The following RSPO3 variants were observed in gnomAD, a reference collection of about 807,000 sequenced individuals.
RSPO3 encodes R-spondin 3.
A neutral mutation model predicts 36.5 loss-of-function variants in RSPO3; 17 were observed. That is an observed-to-expected ratio of 0.47 (90% CI 0.32 to 0.70). RSPO3 has a LOEUF of 0.70. RSPO3 is among the 30% of genes least tolerant of loss of function. The pLI is 0.04. For missense variants in RSPO3, 294 were observed against 322.5 expected, an observed-to-expected ratio of 0.91 and a Z score of 0.68; for synonymous variants, 108 against 107.0, an observed-to-expected ratio of 1.01 and a Z score of -0.06.
rs919308246 is a variant in RSPO3 at position 127,198,983 on chromosome 6, G to T, written c.*2976G>T. Among the ~76,000 whole-genome samples the T allele has an allele frequency of 1.3e-5, 2 of 150,844 alleles. No homozygotes were observed. The highest frequency in any genetic ancestry group is 2.1e-4 in the South Asian group (1 of 4,832). On this transcript the variant is annotated 3_prime_UTR_variant, in exon 5 of 5. Coordinates refer to ENST00000356698, the MANE Select transcript of RSPO3 (RefSeq NM_032784.5). ...GAATTAAAAGCTGTTCACATTAGTG[G>T]TTATTAAATATTGAAATAACACTGG...
chr6:127,156,782 T>C (rs2114594998), intron 4 of RSPO3, among the ~76,000 whole-genome samples: 1 of 152,224 alleles, frequency 6.6e-6, no homozygotes, highest in African/African-American at 2.4e-5. Context: ...CATCGTAGAA[T>C]AAGGGAGATT....
intron 1 of RSPO3, among the ~76,000 whole-genome samples, chr6:127,120,588 T>C (rs1483949460): frequency 2.6e-5 from 4 of 152,150 alleles, no homozygotes; most frequent in Admixed American, 6.5e-5. Flanking sequence ...TTGTGTGAGA[T>C]GGAAATTTAG....
intron 1 of RSPO3, among the ~76,000 whole-genome samples, chr6:127,128,878 G>A (rs912538451): frequency 1.3e-5 from 2 of 152,180 alleles, no homozygotes; most frequent in East Asian, 3.9e-4. Flanking sequence ...ACAAACCATG[G>A]GGGAGTGTCT....
At chr6:127,172,592 A>T (rs1774961626) in intron 4 of RSPO3, among the ~76,000 whole-genome samples, 1 of 151,760 alleles carries the variant, frequency 6.6e-6, no homozygotes. Context: ...AAAGACAGAA[A>T]CATGTATTCG....
At chr6:127,184,195 A>T (rs1775244635) in intron 4 of RSPO3, among the ~76,000 whole-genome samples, 1 of 152,016 alleles carries the variant, frequency 6.6e-6, no homozygotes, top group South Asian at 2.1e-4. Flanking sequence ...ACCCTACTCC[A>T]AAATAATCAG....
chr6:127,153,436 C>T (rs1001559695), intron 3 of RSPO3, among the ~76,000 whole-genome samples: 1 of 151,768 alleles, frequency 6.6e-6, no homozygotes, highest in Non-Finnish European at 1.5e-5. Flanking sequence ...CACCTCATTT[C>T]ATGGTGTTTT....
Position 127,187,069 on chromosome 6 carries a change from A to G in RSPO3, c.635-8754A>G, listed in dbSNP as rs549509540. ...ACTCACGCATATTCTCCAGCTTGAG[A>G]TGGAAGATGGTGGTTGAAGCAGCAG... On this transcript the variant is annotated intron_variant, in intron 4 of 4. Transcript: ENST00000356698. Among the ~76,000 whole-genome samples the G allele has an allele frequency of 2.0e-5, 3 of 152,282 alleles. No individual in the cohort carries two copies. In the South Asian group the frequency reaches 6.2e-4, roughly 32 times the overall value.
intron 1 of RSPO3, among the ~76,000 whole-genome samples, chr6:127,147,859 C>T (rs1489876493): frequency 6.6e-6 from 1 of 152,068 alleles, no homozygotes; most frequent in Non-Finnish European, 1.5e-5. Flanking sequence ...TGTAAGACTC[C>T]AGTTCCAAAA....
At chr6:127,170,304 A>G (rs576038070) in intron 4 of RSPO3, among the ~76,000 whole-genome samples, 10 of 151,850 alleles carry the variant, frequency 6.6e-5, no homozygotes, top group South Asian at 4.2e-4. Flanking sequence ...CAATTTATAC[A>G]ATGGATAAAA....
Position 127,199,051 on chromosome 6 carries a change from TATTC to T in RSPO3, c.*3049_*3052del, listed in dbSNP as rs1247946367. On this transcript the variant is annotated 3_prime_UTR_variant, in exon 5 of 5. Transcript: ENST00000356698. ...AAATACAGCTAAAAACAAGAATAGA[TATTC>T]ATTCTCACAAAGGGAGACAGCAAAG... is the stretch of plus-strand genomic sequence containing the variant. Among the ~76,000 whole-genome samples the T allele has an allele frequency of 6.6e-6, 1 of 152,178 alleles. No individual in the cohort carries two copies. The highest frequency in any genetic ancestry group is 2.4e-5 in the African/African-American group (1 of 41,442).
chr6:127,146,019 G>A (rs1000973611), intron 1 of RSPO3, among the ~76,000 whole-genome samples: 4 of 151,834 alleles, frequency 2.6e-5, no homozygotes, highest in East Asian at 1.9e-4. Context: ...ATCCTTATAC[G>A]GCATTCAAGA....
At chr6:127,170,043 GA>G (rs1774904921) in intron 4 of RSPO3, among the ~76,000 whole-genome samples, 1 of 151,656 alleles carries the variant, frequency 6.6e-6, no homozygotes, top group East Asian at 1.9e-4. Context: ...ATTAGACTAA[GA>G]GAGTTATCCT....
intron 4 of RSPO3, among the ~76,000 whole-genome samples, chr6:127,179,762 A>G (rs1775143699): frequency 6.6e-6 from 1 of 151,830 alleles, no homozygotes; most frequent in Non-Finnish European, 1.5e-5. Context: ...GGTAGAATCC[A>G]CTTACTTGTC....
At chr6:127,181,790 A>C (rs2114633177) in intron 4 of RSPO3, among the ~76,000 whole-genome samples, 1 of 151,962 alleles carries the variant, frequency 6.6e-6, no homozygotes, top group East Asian at 1.9e-4. Context: ...CTTTCTCCTA[A>C]ATATTCTCTG....
At chr6:127,159,643 CCTT>C (rs1195586465) in intron 4 of RSPO3, among the ~76,000 whole-genome samples, 3 of 143,006 alleles carry the variant, frequency 2.1e-5, no homozygotes, top group Admixed American at 7.0e-5. Flanking sequence ...CATACATTCT[CCTT>C]TTTTTTTTTT....
chr6:127,193,150 T>C (rs543280690), intron 4 of RSPO3, among the ~76,000 whole-genome samples: 2 of 152,332 alleles, frequency 1.3e-5, no homozygotes, highest in South Asian at 4.1e-4. Flanking sequence ...CCTGTTACTT[T>C]ACTAGAGCCT....
At chr6:127,167,789 T>G (rs1243681262) in intron 4 of RSPO3, among the ~76,000 whole-genome samples, 3 of 151,590 alleles carry the variant, frequency 2.0e-5, no homozygotes, top group Non-Finnish European at 4.4e-5. Context: ...GGCCCCGGTG[T>G]GTGATGTTCC....
At chr6:127,144,920 C>T (rs1774352364) in intron 1 of RSPO3, among the ~76,000 whole-genome samples, 1 of 152,022 alleles carries the variant, frequency 6.6e-6, no homozygotes, top group South Asian at 2.1e-4. Context: ...CCGTGCCAGG[C>T]CCAGTAGCTC....
At chr6:127,187,368 C>T (rs1054595646) in intron 4 of RSPO3, among the ~76,000 whole-genome samples, 3 of 152,026 alleles carry the variant, frequency 2.0e-5, no homozygotes. Flanking sequence ...TATAAAACAA[C>T]CAAAGTATCC....
Sources: allele counts gnomAD v4.1 joint callset (sites outside exome capture counted in the v4.1 genomes callset), GRCh38; gene constraint gnomAD v4.1.1; transcripts MANE v1.5; gene names NCBI Gene and HGNC (gene_info 2026-07-23, HGNC 2026-07-21).